KIF5C: variants seen among roughly 807,000 people sequenced by gnomAD.
The protein encoded by KIF5C is kinesin family member 5C.
In KIF5C, 18 loss-of-function variants were observed where a neutral mutation model predicts 125.2. The observed-to-expected ratio is 0.14, with a 90% confidence interval of 0.10 to 0.21. The LOEUF (loss-of-function observed/expected upper bound fraction) is 0.21, where lower values mean the gene tolerates loss of function less well. Among genes scored for constraint, KIF5C ranks in the 10% least tolerant of loss-of-function variants. The probability of loss-of-function intolerance (pLI) is 1.00; values close to 1 mark genes in which losing one functional copy is unlikely to be tolerated. For missense variants in KIF5C, 780 were observed against 1,183.8 expected, an observed-to-expected ratio of 0.66 and a Z score of 5.01; for synonymous variants, 405 against 434.0, an observed-to-expected ratio of 0.93 and a Z score of 0.83.
intron 17 of KIF5C, among the ~76,000 whole-genome samples, chr2:148,996,741 G>A (rs751823655): frequency 2.0e-5 from 3 of 152,118 alleles, no homozygotes; most frequent in East Asian, 1.9e-4. Context: ...TCTGTTTCCC[G>A]TGTTCCCATC....
At position 148,875,592 on chromosome 2, in the gene KIF5C, G is replaced by T. The variant is rs1448746101; in HGVS notation, c.-26G>T. The T allele has an allele frequency of 8.5e-5, 20 of 236,006 alleles. No individual in the cohort carries two copies. The highest frequency in any genetic ancestry group is 4.3e-4 in the Admixed American group (5 of 11,628). The allele number at this position is 236,006 out of a possible 1,614,324, so 14.6% of individuals were successfully genotyped here. On this transcript the variant is annotated 5_prime_UTR_variant, in exon 1 of 26. Coordinates refer to ENST00000435030, the MANE Select transcript of KIF5C (RefSeq NM_004522.3). Reference sequence around the variant, plus strand: ...CGGCCCCGGCCCCCCACCCATCCCCGTGCCCCCTCCCTACCGCCGGCCGAG... The same window carrying T: ...CGGCCCCGGCCCCCCACCCATCCCCTTGCCCCCTCCCTACCGCCGGCCGAG...
intron 3 of KIF5C, 147 bp from the exon 4 acceptor site, chr2:148,937,137 G>T: frequency 8.4e-7 from 1 of 1,187,216 alleles, no homozygotes; most frequent in Non-Finnish European, 1.1e-6. Context: ...TGGCAAGTCA[G>T]GTAGATGCCC....
In KIF5C at chr2:148,903,550, G is replaced by A. The variant is rs1010826375; in HGVS notation, c.127-18587G>A. Among the ~76,000 whole-genome samples, 6 of 152,342 alleles carry A rather than the reference G, an allele frequency of 3.9e-5. No homozygotes were observed. The East Asian group carries it at 1.2e-3, about 29-fold the overall frequency. On this transcript the variant is annotated intron_variant, in intron 1 of 25. Coordinates refer to ENST00000435030, the MANE Select transcript of KIF5C (RefSeq NM_004522.3). ...TGGAAGTATTTCCAAGGCCCGTCAT[G>A]CAGGTGTGGCTCACTGTCTGAAGCA...
chr2:148,987,686 G>T (rs1367796686), intron 15 of KIF5C, among the ~76,000 whole-genome samples: 1 of 152,000 alleles, frequency 6.6e-6, no homozygotes, highest in African/African-American at 2.4e-5. Flanking sequence ...CATTCGGGGG[G>T]TTAGGATTTT....
chr2:148,888,039 G>C (rs1436267426), intron 1 of KIF5C, among the ~76,000 whole-genome samples: 2 of 152,320 alleles, frequency 1.3e-5, no homozygotes, highest in East Asian at 1.9e-4. Context: ...AGCCATTTGC[G>C]GCAGCGGGTT....
intron 15 of KIF5C, among the ~76,000 whole-genome samples, chr2:148,988,520 A>T (rs957094295): frequency 6.6e-6 from 1 of 152,228 alleles, no homozygotes; most frequent in Non-Finnish European, 1.5e-5. Flanking sequence ...TTCTCTTCCC[A>T]GGGTGCCAGA....
intron 1 of KIF5C, among the ~76,000 whole-genome samples, chr2:148,919,551 G>T (rs917622603): frequency 6.6e-6 from 1 of 152,174 alleles, no homozygotes; most frequent in Admixed American, 6.5e-5. Context: ...CTCCTTGGGG[G>T]CTACTGGGGA....
At position 148,882,767 on chromosome 2, in the gene KIF5C, A is replaced by T. The variant is rs563567500; in HGVS notation, c.126+7024A>T. ...CCCCTGTCTCCCCATTCTGCCAGCC[A>T]GGTGGAATCAGCCCCTTCCCCCTAA... On this transcript the variant is annotated intron_variant, in intron 1 of 25. Coordinates refer to ENST00000435030, the MANE Select transcript of KIF5C (RefSeq NM_004522.3). Among the ~76,000 whole-genome samples, 11 of 152,280 alleles carry T rather than the reference A, an allele frequency of 7.2e-5. No homozygotes were observed. The East Asian group carries it at 2.1e-3, about 29-fold the overall frequency.
At chr2:149,002,544 T>G (rs1681881568) in intron 21 of KIF5C, among the ~76,000 whole-genome samples, 1 of 152,170 alleles carries the variant, frequency 6.6e-6, no homozygotes, top group African/African-American at 2.4e-5. Flanking sequence ...ACAACTTGCA[T>G]GCACACTAAT....
intron 1 of KIF5C, among the ~76,000 whole-genome samples, chr2:148,917,563 G>C (rs1232078182): frequency 1.3e-5 from 2 of 152,194 alleles, no homozygotes; most frequent in Non-Finnish European, 2.9e-5. Context: ...GGGTCATCGT[G>C]GTTGGTGATG....
chr2:148,895,687 C>A (rs1433569829), intron 1 of KIF5C, among the ~76,000 whole-genome samples: 1 of 152,176 alleles, frequency 6.6e-6, no homozygotes, highest in Non-Finnish European at 1.5e-5. Flanking sequence ...ACTACAGACT[C>A]AGTGGCTTAA....
intron 11 of KIF5C, among the ~76,000 whole-genome samples, chr2:148,963,677 A>G (rs1682981851): frequency 6.6e-6 from 1 of 152,044 alleles, no homozygotes; most frequent in Non-Finnish European, 1.5e-5. Context: ...ATGAAGTTTT[A>G]TTTCGGGAAT....
chr2:148,895,864 ACACACACACACC>A (rs1003276105), intron 1 of KIF5C, among the ~76,000 whole-genome samples: 18 of 41,608 alleles, frequency 4.3e-4, no homozygotes, highest in South Asian at 1.4e-3. Flanking sequence ...ACACACACAC[ACACACACACACC>A]CACAGAGATC....
chr2:148,964,445 G>T (rs1683002023), intron 11 of KIF5C, among the ~76,000 whole-genome samples: 1 of 152,162 alleles, frequency 6.6e-6, no homozygotes, highest in Non-Finnish European at 1.5e-5. Context: ...CTTAATGCAG[G>T]TGCTGGAGAT....
At chr2:148,948,956 C>T (rs1682590825) in intron 8 of KIF5C, among the ~76,000 whole-genome samples, 1 of 152,170 alleles carries the variant, frequency 6.6e-6, no homozygotes, top group African/African-American at 2.4e-5. Flanking sequence ...AAAGAAACCT[C>T]CCCCTGGACA....
At chr2:148,882,588 C>A (rs1681397420) in intron 1 of KIF5C, among the ~76,000 whole-genome samples, 1 of 152,180 alleles carries the variant, frequency 6.6e-6, no homozygotes, top group Admixed American at 6.5e-5. Context: ...CTGCTCAATG[C>A]CCATCCCTTT....
intron 2 of KIF5C, among the ~76,000 whole-genome samples, chr2:148,927,859 A>G (rs761231685): frequency 1.3e-5 from 2 of 151,970 alleles, no homozygotes; most frequent in African/African-American, 2.4e-5. Flanking sequence ...TCTGATATGT[A>G]TGAACATTCT....
chr2:148,990,914 A>G (rs906089645), intron 15 of KIF5C, 96 bp from the exon 16 acceptor site: 2 of 1,463,112 alleles, frequency 1.4e-6, no homozygotes, highest in Non-Finnish European at 1.8e-6. Context: ...CCAGAAATCC[A>G]TGGACACCTT....
intron 22 of KIF5C, 46 bp from the exon 23 acceptor site, chr2:149,007,917 T>TGTGG: frequency 7.9e-7 from 1 of 1,259,208 alleles, no homozygotes; most frequent in Admixed American, 2.0e-5. Context: ...GGGCGGAGGG[T>TGTGG]GGGTGGGTGA....
Sources: gnomAD v4.1 joint callset for allele counts (sites outside exome capture counted in the v4.1 genomes callset) on GRCh38, gnomAD v4.1.1 for gene constraint, MANE v1.5 for transcripts, NCBI Gene and HGNC (gene_info 2026-07-23, HGNC 2026-07-21) for gene names.